Variants in TOP6BL observed in about 807,000 individuals in gnomAD.
The protein encoded by TOP6BL is TOP6B like initiator of meiotic double strand breaks, also known as type 2 DNA topoisomerase 6 subunit B-like.
At chr11:66,754,110 G>A in the TOP6BL span, among the ~76,000 whole-genome samples, 33 of 152,308 alleles carry the variant, frequency 2.2e-4, no homozygotes, top group South Asian at 2.1e-3. Context: ...ATTTGTTTGC[G>A]AGCACCAGCA....
the TOP6BL span, chr11:66,762,322 G>A: frequency 2.5e-6 from 1 of 407,926 alleles, no homozygotes; most frequent in Non-Finnish European, 4.4e-6. Flanking sequence ...CCGGAAAGGC[G>A]GGGCGGGCCC....
the TOP6BL span, among the ~76,000 whole-genome samples, chr11:66,765,223 C>T: frequency 2.6e-5 from 4 of 152,132 alleles, no homozygotes; most frequent in Admixed American, 2.6e-4. Flanking sequence ...ATGGAATAAC[C>T]ACATACTCAT....
chr11:66,823,770 TCACCC>T, the TOP6BL span, among the ~76,000 whole-genome samples: 5 of 152,072 alleles, frequency 3.3e-5, 1 homozygote, highest in East Asian at 9.7e-4. Context: ...TGAGCCAAGA[TCACCC>T]CACTGCACTC....
the TOP6BL span, chr11:66,788,415 C>A: frequency 1.6e-6 from 1 of 609,026 alleles, no homozygotes; most frequent in Non-Finnish European, 2.9e-6. Context: ...CCTGTGCAGA[C>A]ATTAGATCAC....
the TOP6BL span, among the ~76,000 whole-genome samples, chr11:66,756,684 C>T: frequency 6.6e-6 from 1 of 152,078 alleles, no homozygotes; most frequent in Non-Finnish European, 1.5e-5. Flanking sequence ...CTCTATAGAA[C>T]AGAAGATTAT....
At chr11:66,833,325 A>C in the TOP6BL span, among the ~76,000 whole-genome samples, 3 of 152,176 alleles carry the variant, frequency 2.0e-5, no homozygotes, top group African/African-American at 4.8e-5. Context: ...CTGGGATTAC[A>C]GGCAGGTAAT....
At chr11:66,770,147 A>G in the TOP6BL span, among the ~76,000 whole-genome samples, 1 of 152,118 alleles carries the variant, frequency 6.6e-6, no homozygotes, top group Admixed American at 6.5e-5. Flanking sequence ...TGAGGGCACA[A>G]TGAGAAGGCA....
chr11:66,843,451 G>A, the TOP6BL span: 2 of 1,404,372 alleles, frequency 1.4e-6, no homozygotes, highest in Non-Finnish European at 1.8e-6. Context: ...GCGGGTCAGG[G>A]CGCAATGGCG....
the TOP6BL span, chr11:66,843,463 C>T: frequency 7.1e-6 from 10 of 1,410,992 alleles, no homozygotes; most frequent in South Asian, 1.5e-5. Context: ...GCAATGGCGG[C>T]GCTGGGCGGG....
At chr11:66,748,206 A>G in the TOP6BL span, among the ~76,000 whole-genome samples, 1 of 152,050 alleles carries the variant, frequency 6.6e-6, no homozygotes, top group Non-Finnish European at 1.5e-5. Context: ...TCTCCTAGCT[A>G]TTTATTTTGT....
the TOP6BL span, among the ~76,000 whole-genome samples, chr11:66,825,664 G>A: frequency 2.6e-5 from 4 of 152,094 alleles, no homozygotes; most frequent in Admixed American, 2.6e-4. Context: ...AGTTTCTATT[G>A]TTTATAAGCC....
At chr11:66,824,128 C>T in the TOP6BL span, among the ~76,000 whole-genome samples, 1 of 152,122 alleles carries the variant, frequency 6.6e-6, no homozygotes, top group East Asian at 1.9e-4. Flanking sequence ...TATATATCCC[C>T]AAAATTCATA....
At chr11:66,790,928 A>C in the TOP6BL span, among the ~76,000 whole-genome samples, 1 of 152,220 alleles carries the variant, frequency 6.6e-6, no homozygotes, top group Non-Finnish European at 1.5e-5. Context: ...GATGGAGATG[A>C]GAAGTAAAAT....
the TOP6BL span, among the ~76,000 whole-genome samples, chr11:66,809,767 G>A: frequency 3.3e-5 from 5 of 152,084 alleles, no homozygotes; most frequent in Admixed American, 6.6e-5. Flanking sequence ...GCAGTTGTGC[G>A]ATCATAGCTC....
chr11:66,754,073 T>C, the TOP6BL span, among the ~76,000 whole-genome samples: 18 of 152,240 alleles, frequency 1.2e-4, no homozygotes, highest in Non-Finnish European at 1.8e-4. Flanking sequence ...AGTCAGATTA[T>C]GTGTTCAGGA....
At chr11:66,777,578 A>G in the TOP6BL span, among the ~76,000 whole-genome samples, 1 of 152,086 alleles carries the variant, frequency 6.6e-6, no homozygotes, top group East Asian at 1.9e-4. Flanking sequence ...GTACATTTTT[A>G]TGGCTCTGAA....
chr11:66,821,802 T>C, the TOP6BL span: 2 of 1,605,028 alleles, frequency 1.2e-6, no homozygotes, highest in Non-Finnish European at 1.7e-6. Flanking sequence ...TCCTATTCTC[T>C]AAGAAAAAGA....
the TOP6BL span, among the ~76,000 whole-genome samples, chr11:66,765,222 C>T: frequency 2.0e-5 from 3 of 152,146 alleles, no homozygotes; most frequent in African/African-American, 4.8e-5. Flanking sequence ...TATGGAATAA[C>T]CACATACTCA....
At chr11:66,840,782 C>T in the TOP6BL span, among the ~76,000 whole-genome samples, 2 of 152,162 alleles carry the variant, frequency 1.3e-5, no homozygotes, top group Non-Finnish European at 2.9e-5. Flanking sequence ...GGCTATGACT[C>T]GCCTGGTTTT....
Sources: gnomAD v4.1 joint callset for allele counts (sites outside exome capture counted in the v4.1 genomes callset) on GRCh38, gnomAD v4.1.1 for gene constraint, MANE v1.5 for transcripts, NCBI Gene and HGNC (gene_info 2026-07-23, HGNC 2026-07-21) for gene names.